Variants in PXDN observed in about 807,000 individuals in gnomAD.
PXDN encodes the protein peroxidasin homolog.
A neutral mutation model predicts 140.3 loss-of-function variants in PXDN; 77 were observed. The ratio of observed to expected loss-of-function variants is 0.55; its 90% CI spans 0.46 to 0.66. PXDN has a LOEUF of 0.66. PXDN is among the 30% of genes least tolerant of loss of function. The pLI, the probability that PXDN is intolerant of heterozygous loss-of-function variation, is 0.00. For missense variants in PXDN, 1,838 were observed against 2,039.5 expected (o/e 0.90, Z 1.90); for synonymous variants, 911 against 857.4 (o/e 1.06, Z -1.09).
chr2:1,687,637 C>T lies in PXDN; in HGVS notation c.411G>A (p.Glu137=), dbSNP rs780714211. The change falls in exon 4 of 23, where the codon GAG becomes GAA. Residue 137 remains glutamate, a synonymous_variant. Transcript: ENST00000252804. This position sits in a 1 kb window ranked among gnomAD's most constrained non-coding sequence, Gnocchi z 4.0. ...RQAFKGLASL[E]QLYLHFNQIE... ...CGAAGAGAAGGGGCACTTACAGTTGCTCTAGAGAGGCAAGTCCCTTAAATG... is the reference window on the plus strand; with the variant it reads ...CGAAGAGAAGGGGCACTTACAGTTGTTCTAGAGAGGCAAGTCCCTTAAATG... 2 of 1,506,918 alleles carry T rather than the reference C, an allele frequency of 1.3e-6. No individual in the cohort carries two copies. Among genetic ancestry groups the T allele is most frequent in the East Asian group, 4.6e-5 (2 of 43,842 alleles). 93.3% of individuals were successfully genotyped at this position (1,506,918 alleles called of 1,614,324 possible). A position where few individuals can be genotyped will look rare whatever the true frequency, so the allele number is the denominator to read the frequency against.
In PXDN at chr2:1,685,409, G is replaced by A. The variant is rs763849919; in HGVS notation, c.417-1258C>T. On this transcript the variant is annotated intron_variant, in intron 4 of 22. Transcript: ENST00000252804. The surrounding 1 kb of genome is among the most constrained non-coding windows in gnomAD (Gnocchi z 5.1). The stretch of plus-strand genomic sequence containing the variant: ...AACCCGACAGAATCCCTGGAGCCTC[G>A]TCTCTGCCAGGCAGTGTGCTGACAG... Among the ~76,000 whole-genome samples the A allele has an allele frequency of 4.6e-5, 7 of 152,194 alleles. No homozygotes were observed. Among genetic ancestry groups the A allele is most frequent in the South Asian group, 2.1e-4 (1 of 4,832 alleles).
intron 14 of PXDN, among the ~76,000 whole-genome samples, chr2:1,659,058 C>A (rs1466221795): frequency 6.6e-6 from 1 of 152,206 alleles, no homozygotes; most frequent in African/African-American, 2.4e-5. Context: ...CAGAGTCCAG[C>A]CCACGAAGGC....
intron 1 of PXDN, among the ~76,000 whole-genome samples, chr2:1,731,174 AC>A (rs1685306300): frequency 6.6e-6 from 1 of 151,914 alleles, no homozygotes; most frequent in Non-Finnish European, 1.5e-5. Context: ...ACACACACAC[AC>A]ACACATGAAC....
At chr2:1,676,899 G>A (rs1293775807) in intron 8 of PXDN, 28 bp downstream of exon 8, 1 of 1,583,678 alleles carries the variant, frequency 6.3e-7, no homozygotes, top group East Asian at 2.3e-5. Flanking sequence ...GAGATGCACA[G>A]GGGCATTTCT....
At chr2:1,706,221 C>A (rs540507481) in intron 1 of PXDN, among the ~76,000 whole-genome samples, 1 of 152,292 alleles carries the variant, frequency 6.6e-6, no homozygotes, top group South Asian at 2.1e-4. Context: ...CTGTCCAGCA[C>A]CTAAAGATCT....
chr2:1,729,129 G>A (rs1685256632), intron 1 of PXDN, among the ~76,000 whole-genome samples: 1 of 152,204 alleles, frequency 6.6e-6, no homozygotes, highest in Non-Finnish European at 1.5e-5. Context: ...GTCAGAACCT[G>A]GGATAAAGAC....
At chr2:1,662,025 C>A in intron 13 of PXDN, 47 bp downstream of exon 13, 8 of 1,509,562 alleles carry the variant, frequency 5.3e-6, no homozygotes, top group Non-Finnish European at 7.2e-6. Context: ...GCCAGCCCGT[C>A]TACCTTGTAT....
chr2:1,665,005 CA>C lies in PXDN; in HGVS notation c.1360del (p.Cys454ValfsTer64), dbSNP rs1457490840. On this transcript the variant is annotated frameshift_variant, in exon 11 of 23. Coordinates refer to ENST00000252804, the MANE Select transcript of PXDN (RefSeq NM_012293.3). LOFTEE classifies it high-confidence loss of function. ...GGGCGGCGGGTTGCCCTTGGCTTCACACTGGAAATCCACGGTCTGGCCCTCA... is the reference window on the plus strand; with the variant it reads ...GGGCGGCGGGTTGCCCTTGGCTTCACCTGGAAATCCACGGTCTGGCCCTCA... ...VIEGQTVDFQCEAKGNPPPVI... is the reference protein window; with the variant it reads ...VIEGQTVDFQXEAKGNPPPVI... 6.2e-7 allele frequency: 1 copy of C among 1,612,968 alleles called. No homozygotes were observed. The highest frequency in any genetic ancestry group is 8.5e-7 in the Non-Finnish European group (1 of 1,179,494).
intron 1 of PXDN, among the ~76,000 whole-genome samples, chr2:1,710,768 C>G (rs1285110498): frequency 7.3e-4 from 39 of 53,432 alleles, no homozygotes; most frequent in African/African-American, 3.4e-3. Context: ...CCCACTCCAC[C>G]AGCACCCACT....
chr2:1,724,237 T>C (rs1685120247), intron 1 of PXDN, among the ~76,000 whole-genome samples: 1 of 152,012 alleles, frequency 6.6e-6, no homozygotes, highest in Non-Finnish European at 1.5e-5. Flanking sequence ...AGAGTTTCAA[T>C]CCGTGCTAAG....
intron 1 of PXDN, among the ~76,000 whole-genome samples, chr2:1,740,641 C>T (rs570470449): frequency 2.0e-5 from 3 of 152,164 alleles, no homozygotes; most frequent in South Asian, 2.1e-4. Context: ...CCCCATACCC[C>T]GTCCCACCAG....
At chr2:1,635,542 T>G in intron 21 of PXDN, 21 bp from the exon 22 acceptor site, 1 of 1,533,566 alleles carries the variant, frequency 6.5e-7, no homozygotes, top group Non-Finnish European at 8.9e-7. Context: ...GCAAAGAACA[T>G]TCATTCATTG....
chr2:1,687,847 T>TC lies in PXDN; in HGVS notation c.345-145_345-144insG. 1.7e-6 allele frequency: 1 copy of TC among 572,154 alleles called. No homozygotes were observed. The highest frequency in any genetic ancestry group is 2.9e-6 in the Non-Finnish European group (1 of 339,684). 35.4% of individuals were successfully genotyped at this position (572,154 alleles called of 1,614,324 possible). A position where few individuals can be genotyped will look rare whatever the true frequency, so the allele number is the denominator to read the frequency against. On this transcript the variant is annotated intron_variant, in intron 3 of 22. Coordinates refer to ENST00000252804, the MANE Select transcript of PXDN (RefSeq NM_012293.3). This position sits in a 1 kb window ranked among gnomAD's most constrained non-coding sequence, Gnocchi z 4.0. ...GCAAACAAACCATCTGCACGGTGAG[T>TC]ACAGTGCCTCTCCCAAGGGCTTCCC...
intron 16 of PXDN, among the ~76,000 whole-genome samples, chr2:1,652,821 C>T (rs950311171): frequency 6.6e-6 from 1 of 152,042 alleles, no homozygotes; most frequent in African/African-American, 2.4e-5. Context: ...ACATTTTTTG[C>T]TCTAATCGTA....
Position 1,663,759 on chromosome 2 carries a change from G to A in PXDN, c.1413C>T (p.Ser471=). Reference sequence around the variant, plus strand: ...GGTGCCGCCGGTCCACGGAGAGCTGGCTCCCTGCAAGGGCATGGGCCCGTT... The same window carrying A: ...GGTGCCGCCGGTCCACGGAGAGCTGACTCCCTGCAAGGGCATGGGCCCGTT... ...PPVIAWTKGG[S]QLSVDRRHLV... Residue 471 remains serine (S), a synonymous_variant, in exon 12 of 23, where the codon AGC becomes AGT. Coordinates refer to ENST00000252804, the MANE Select transcript of PXDN (RefSeq NM_012293.3). The A allele has an allele frequency of 6.2e-7, 1 of 1,612,192 alleles. No individual in the cohort carries two copies. The highest frequency in any genetic ancestry group is 1.7e-4 in the Middle Eastern group (1 of 5,736).
intron 9 of PXDN, among the ~76,000 whole-genome samples, chr2:1,669,535 T>C (rs1683526912): frequency 6.6e-6 from 1 of 152,206 alleles, no homozygotes; most frequent in Non-Finnish European, 1.5e-5. Context: ...TAAAATGTCA[T>C]ATGTCCAAAT....
At chr2:1,743,258 C>A (rs1038021186) in intron 1 of PXDN, among the ~76,000 whole-genome samples, 1 of 152,246 alleles carries the variant, frequency 6.6e-6, no homozygotes, top group African/African-American at 2.4e-5. Context: ...CAACGCAACG[C>A]ATCCGGTTAA....
chr2:1,679,083 CATGCATGTGTGT>C (rs1198426785), intron 7 of PXDN, among the ~76,000 whole-genome samples: 1 of 128,074 alleles, frequency 7.8e-6, no homozygotes, highest in Non-Finnish European at 1.6e-5. Flanking sequence ...CGTGTATGTG[CATGCATGTGTGT>C]GTGTGTGTGT....
Position 1,663,648 on chromosome 2 carries a change from G to A in PXDN, c.1524C>T (p.Ile508=), listed in dbSNP as rs766231640. The change falls in exon 12 of 23, where the codon ATC becomes ATT. Residue 508 remains isoleucine (I), a synonymous_variant. Transcript: ENST00000252804. ...GQYECQAVNI[I]GSQKVVAHLT... ...GGTGGGCCACGACCTTCTGGGAGCCGATGATGTTGACAGCCTGGCATTCGT... is the reference window on the plus strand; with the variant it reads ...GGTGGGCCACGACCTTCTGGGAGCCAATGATGTTGACAGCCTGGCATTCGT... 1.3e-5 allele frequency: 21 copies of A among 1,613,894 alleles called. No individual in the cohort carries two copies. Among genetic ancestry groups the A allele is most frequent in the East Asian group, 2.2e-5 (1 of 44,888 alleles).
Sources: gnomAD v4.1 joint callset for allele counts (sites outside exome capture counted in the v4.1 genomes callset) on GRCh38, gnomAD v4.1.1 for gene constraint, Gnocchi (gnomAD v3.1) non-coding constraint, MANE v1.5 for transcripts, NCBI Gene and HGNC (gene_info 2026-07-23, HGNC 2026-07-21) for gene names.